CDC27: variants seen among roughly 807,000 people sequenced by gnomAD.
The protein encoded by CDC27 is cell division cycle protein 27 homolog.
A neutral mutation model predicts 109.7 loss-of-function variants in CDC27; 27 were observed. That is an observed-to-expected ratio of 0.25 (90% CI 0.18 to 0.34). The LOEUF (loss-of-function observed/expected upper bound fraction) is 0.34, where lower values mean the gene tolerates loss of function less well. Among genes scored for constraint, CDC27 ranks in the 10% least tolerant of loss-of-function variants. The probability of loss-of-function intolerance (pLI) is 1.00; values close to 1 mark genes in which losing one functional copy is unlikely to be tolerated. For synonymous variants in CDC27, 266 were observed against 333.9 expected, an observed-to-expected ratio of 0.80 and a Z score of 2.22; for missense variants, 579 against 960.2, an observed-to-expected ratio of 0.60 and a Z score of 5.25.
intron 12 of CDC27, 117 bp downstream of exon 12, chr17:47,141,736 A>T: frequency 1.8e-6 from 1 of 543,478 alleles, no homozygotes; most frequent in Admixed American, 3.6e-5. Context: ...ATAAATATAT[A>T]GACATTACAT....
intron 14 of CDC27, among the ~76,000 whole-genome samples, chr17:47,136,399 A>G (rs2062592672): frequency 6.6e-6 from 1 of 152,178 alleles, no homozygotes; most frequent in South Asian, 2.1e-4. Context: ...GAATGATACA[A>G]CTCAACTGCT....
chr17:47,120,728 G>A lies in CDC27; in HGVS notation c.*207C>T. On this transcript the variant is annotated 3_prime_UTR_variant, in exon 19 of 19. Transcript: ENST00000066544. ...CCCCCCATAAATTGTCATTCATACTGGTAAAAGAGCCAGTCTTGTTAGCAG... is the reference window on the plus strand; with the variant it reads ...CCCCCCATAAATTGTCATTCATACTAGTAAAAGAGCCAGTCTTGTTAGCAG... 2.1e-6 allele frequency: 1 copy of A among 466,956 alleles called. No individual in the cohort carries two copies. The highest frequency in any genetic ancestry group is 4.3e-5 in the South Asian group (1 of 23,114). 28.9% of individuals were successfully genotyped at this position (466,956 alleles called of 1,614,324 possible).
intron 4 of CDC27, among the ~76,000 whole-genome samples, chr17:47,163,813 G>A (rs2063564304): frequency 6.6e-6 from 1 of 152,142 alleles, no homozygotes; most frequent in Non-Finnish European, 1.5e-5. Context: ...TGCCCAGGCT[G>A]GAGTACAATG....
In CDC27 at chr17:47,175,810, T is replaced by C. The variant is rs542812793; in HGVS notation, c.104-3746A>G. On this transcript the variant is annotated intron_variant, in intron 2 of 18. Coordinates refer to ENST00000066544, the MANE Select transcript of CDC27 (RefSeq NM_001256.6). ...CAGCCTGGGCAACAGAGCGAGACTC[T>C]GTCTCAAAAGAAAAAAAATAAAACA... Among the ~76,000 whole-genome samples, 4 of 152,240 alleles carry C rather than the reference T, an allele frequency of 2.6e-5. No homozygotes were observed. The South Asian group carries it at 8.3e-4, about 32-fold the overall frequency.
In CDC27 at chr17:47,154,662, T is replaced by C. The variant is rs1212358661; in HGVS notation, c.957+10A>G. 2.1e-6 allele frequency: 3 copies of C among 1,427,448 alleles called. No individual in the cohort carries two copies. Among genetic ancestry groups the C allele is most frequent in the South Asian group, 2.4e-5 (2 of 84,046 alleles). The allele number at this position is 1,427,448 out of a possible 1,614,324, so 88.4% of individuals were successfully genotyped here. On this transcript the variant is annotated intron_variant, in intron 8 of 18. Transcript: ENST00000066544. ...ATCAATTCCCAAACTGCATTTTACA[T>C]GGAAAATACCTTTTTTGAAGGGGCT...
chr17:47,128,916 C>A (rs2062232729), intron 16 of CDC27, among the ~76,000 whole-genome samples: 2 of 152,124 alleles, frequency 1.3e-5, no homozygotes, highest in African/African-American at 4.8e-5. Flanking sequence ...GACTTACAGG[C>A]ACCTGCCACC....
At chr17:47,174,984 AC>A (rs1187475636) in intron 2 of CDC27, among the ~76,000 whole-genome samples, 4 of 124,124 alleles carry the variant, frequency 3.2e-5, no homozygotes, top group Non-Finnish European at 5.5e-5. Flanking sequence ...ACAGGACAGG[AC>A]AGGACAGGAA....
chr17:47,147,432 A>AAAC (rs1568403286), intron 9 of CDC27, among the ~76,000 whole-genome samples: 22 of 82,010 alleles, frequency 2.7e-4, no homozygotes, highest in African/African-American at 7.9e-4. Flanking sequence ...AACAAACAAA[A>AAAC]AAAAAAACAC....
intron 12 of CDC27, among the ~76,000 whole-genome samples, chr17:47,140,345 C>T (rs1411653089): frequency 1.3e-5 from 2 of 152,112 alleles, no homozygotes; most frequent in African/African-American, 4.8e-5. Flanking sequence ...AACTCCTGAG[C>T]TCAAGTGATC....
chr17:47,142,806 G>A (rs560199914), intron 10 of CDC27, among the ~76,000 whole-genome samples: 15 of 152,238 alleles, frequency 9.9e-5, no homozygotes, highest in Non-Finnish European at 1.6e-4. Flanking sequence ...AGCCTCCCGC[G>A]TAACTGAGAT....
chr17:47,135,407 AGAT>A (rs201672676), intron 14 of CDC27, among the ~76,000 whole-genome samples: 2,458 of 150,592 alleles, frequency 0.016, 58 homozygotes, highest in East Asian at 0.096. Flanking sequence ...GGCCATAACT[AGAT>A]GATGATGATG....
chr17:47,127,409 C>T (rs893777286), intron 16 of CDC27, among the ~76,000 whole-genome samples: 7 of 151,682 alleles, frequency 4.6e-5, no homozygotes, highest in Non-Finnish European at 8.8e-5. Flanking sequence ...CCTATTTTTA[C>T]GTTTTTTTTT....
At chr17:47,169,888 T>C in intron 4 of CDC27, 29 bp downstream of exon 4, 1 of 1,543,038 alleles carries the variant, frequency 6.5e-7, no homozygotes, top group East Asian at 2.3e-5. Context: ...GGAAATGCTT[T>C]TCTGACAGTT....
chr17:47,174,266 A>T (rs2063912226), intron 2 of CDC27, among the ~76,000 whole-genome samples: 1 of 152,234 alleles, frequency 6.6e-6, no homozygotes, highest in South Asian at 2.1e-4. Flanking sequence ...CATAAATCTA[A>T]AAAGCACAGA....
At chr17:47,144,170 C>A (rs1279888910) in intron 9 of CDC27, among the ~76,000 whole-genome samples, 188 bp from the exon 10 acceptor site, 1 of 152,152 alleles carries the variant, frequency 6.6e-6, no homozygotes, top group Non-Finnish European at 1.5e-5. Context: ...GGGACTCGGA[C>A]TGGCTTTCCT....
chr17:47,170,732 A>G (rs964002714), intron 3 of CDC27, among the ~76,000 whole-genome samples: 3 of 152,210 alleles, frequency 2.0e-5, no homozygotes, highest in African/African-American at 4.8e-5. Flanking sequence ...ATTAACAAAC[A>G]TGGTGGTCCT....
At chr17:47,187,831 T>C (rs1407526061) in intron 1 of CDC27, among the ~76,000 whole-genome samples, 1 of 138,784 alleles carries the variant, frequency 7.2e-6, no homozygotes, top group Non-Finnish European at 1.5e-5. Flanking sequence ...TATATATAAT[T>C]ACCTCATCTA....
At chr17:47,154,153 A>T in intron 8 of CDC27, among the ~76,000 whole-genome samples, 1 of 151,564 alleles carries the variant, frequency 6.6e-6, no homozygotes, top group Admixed American at 6.6e-5. Flanking sequence ...ACTACCAAAT[A>T]TTTTTCATTT....
At chr17:47,153,899 A>C (rs1167219019) in intron 8 of CDC27, among the ~76,000 whole-genome samples, 1 of 152,090 alleles carries the variant, frequency 6.6e-6, no homozygotes, top group Non-Finnish European at 1.5e-5. Flanking sequence ...CCCTGGCAAC[A>C]CAGTGAGATC....
Sources: gnomAD v4.1 joint callset for allele counts (sites outside exome capture counted in the v4.1 genomes callset) on GRCh38, gnomAD v4.1.1 for gene constraint, MANE v1.5 for transcripts, NCBI Gene and HGNC (gene_info 2026-07-23, HGNC 2026-07-21) for gene names.